Variants in INCENP observed in about 807,000 individuals in gnomAD.
The protein encoded by INCENP is inner centromere protein, also known as binds and activates aurora-B and -C in vivo and in vitro.
In INCENP, 43 loss-of-function variants were observed where a neutral mutation model predicts 107.3. That is an observed-to-expected ratio of 0.40 (90% CI 0.31 to 0.52). INCENP has a LOEUF of 0.52. Ranked by LOEUF, INCENP falls within the 20% of genes least tolerant of loss-of-function variation. INCENP has a pLI of 0.53. For missense variants in INCENP, 1,089 were observed against 1,250.9 expected, an observed-to-expected ratio of 0.87 and a Z score of 1.95; for synonymous variants, 488 against 494.4, an observed-to-expected ratio of 0.99 and a Z score of 0.17.
chr11:62,150,984 A>T (rs1944360738), intron 18 of INCENP, among the ~76,000 whole-genome samples: 1 of 152,184 alleles, frequency 6.6e-6, no homozygotes. Flanking sequence ...CCCTACAGTA[A>T]CTGGCATGTG....
intron 7 of INCENP, 145 bp from the exon 8 acceptor site, chr11:62,140,089 G>A: frequency 1.5e-6 from 1 of 682,162 alleles, no homozygotes; most frequent in South Asian, 1.6e-5. Context: ...TGATATGTCT[G>A]CGTTTGGCCA....
chr11:62,133,814 C>T (rs1017294050), intron 4 of INCENP, among the ~76,000 whole-genome samples: 6 of 152,134 alleles, frequency 3.9e-5, no homozygotes, highest in Non-Finnish European at 8.8e-5. Flanking sequence ...CAGCTGCTCC[C>T]ACCACCTCCC....
At chr11:62,129,725 C>A in intron 3 of INCENP, 57 bp from the exon 4 acceptor site, 1 of 1,417,758 alleles carries the variant, frequency 7.1e-7, no homozygotes, top group Non-Finnish European at 9.6e-7. Flanking sequence ...CTTGGAGAGA[C>A]TGGGTGCCAC....
chr11:62,141,712 C>T, intron 11 of INCENP: 2 of 697,584 alleles, frequency 2.9e-6, no homozygotes, highest in South Asian at 1.7e-5. Context: ...CTTCTCTGCC[C>T]TCCCTGCCCT....
At position 62,148,311 on chromosome 11, in the gene INCENP, C is replaced by T. The variant is rs146422010; in HGVS notation, c.2205-165C>T. ...CCTCAGGTGTGCACACTTCTAGCCCCGGGGCAAAAGCGCAGCTCTTGGCTC... is the reference window on the plus strand; with the variant it reads ...CCTCAGGTGTGCACACTTCTAGCCCTGGGGCAAAAGCGCAGCTCTTGGCTC... On this transcript the variant is annotated intron_variant, in intron 15 of 18. Transcript: ENST00000394818. Among the ~76,000 whole-genome samples, 13 of 152,310 alleles carry T rather than the reference C, an allele frequency of 8.5e-5. No homozygotes were observed. In the East Asian group the frequency reaches 1.9e-3, roughly 23 times the overall value.
rs537118084 is a variant in INCENP at position 62,148,668 on chromosome 11, C to T, written c.2284-71C>T. ...GGGAGGGAAAGGGAGGAGAATGGAG[C>T]GGAGGGAAGGGGAGGGGAGGGAAGG... On this transcript the variant is annotated intron_variant, in intron 16 of 18. Transcript: ENST00000394818. The T allele has an allele frequency of 2.3e-5, 30 of 1,322,686 alleles. 1 individual carries two copies. In the East Asian group the frequency reaches 5.1e-4, roughly 23 times the overall value. The allele number at this position is 1,322,686 out of a possible 1,614,324, so 81.9% of individuals were successfully genotyped here. A position where few individuals can be genotyped will look rare whatever the true frequency, so the allele number is the denominator to read the frequency against.
At position 62,145,227 on chromosome 11, in the gene INCENP, A is replaced by G; in HGVS notation, c.1774A>G (p.Lys592Glu). ...GGCCCGCGAGCGGGTGGAGCAGATG[A>G]AGGAGGAGAAGAAGAAGCAGATTGA... The part of the protein sequence containing the change: ...LQARERVEQM[K>E]EEKKKQIEQK... Residue 592 changes from lysine to glutamate, a missense_variant, in exon 13 of 19, where the codon AAG becomes GAG. Transcript: ENST00000394818. 6.2e-7 allele frequency: 1 copy of G among 1,614,024 alleles called. No individual in the cohort carries two copies.
intron 4 of INCENP, among the ~76,000 whole-genome samples, chr11:62,131,066 A>G (rs528855896): frequency 2.0e-5 from 3 of 152,130 alleles, no homozygotes; most frequent in African/African-American, 4.8e-5. Flanking sequence ...CGCGCCGCCT[A>G]TTGGCGACAC....
chr11:62,131,886 A>G (rs953495130), intron 4 of INCENP, among the ~76,000 whole-genome samples: 3 of 152,158 alleles, frequency 2.0e-5, no homozygotes, highest in African/African-American at 7.2e-5. Flanking sequence ...GGTTCAAGCA[A>G]TTCTCCTGCC....
chr11:62,151,127 G>C (rs913979011), intron 18 of INCENP, among the ~76,000 whole-genome samples: 2 of 152,258 alleles, frequency 1.3e-5, no homozygotes, highest in Admixed American at 1.3e-4. Flanking sequence ...ATCCGTGAAA[G>C]GGGGGTGAAG....
rs1713639706 is a variant in INCENP at position 62,128,254 on chromosome 11, G to A, written c.93G>A (p.Leu31=). Residue 31 remains leucine (L), a synonymous_variant, in exon 2 of 19, where the codon TTG becomes TTA. Coordinates refer to ENST00000394818, the MANE Select transcript of INCENP (RefSeq NM_001040694.2). ...TCTGCAACATGGATAATAAGGACTT[G>A]GTGTGGCTTGAGGAAATCCAAGAGG... ...EFLCNMDNKD[L]VWLEEIQEEA... is the part of the protein sequence containing the mutation. The A allele has an allele frequency of 1.2e-6, 2 of 1,614,168 alleles. No individual in the cohort carries two copies. The highest frequency in any genetic ancestry group is 1.7e-6 in the Non-Finnish European group (2 of 1,180,008).
intron 15 of INCENP, among the ~76,000 whole-genome samples, chr11:62,147,326 C>A (rs1460610771): frequency 6.6e-6 from 1 of 152,134 alleles, no homozygotes; most frequent in African/African-American, 2.4e-5. Context: ...CAGATTACCC[C>A]CTACCGATAT....
In INCENP at chr11:62,137,032, C is replaced by T. The variant is rs540617916; in HGVS notation, c.1064-800C>T. ...CTTTGTAAACTCCTCCAGGCCAGCT[C>T]AGGTCCCCCCATCATAGGCTTTTAA... On this transcript the variant is annotated intron_variant, in intron 4 of 18. Transcript: ENST00000394818. Among the ~76,000 whole-genome samples, 13 of 151,804 alleles carry T rather than the reference C, an allele frequency of 8.6e-5. No individual in the cohort carries two copies. In the East Asian group the frequency reaches 2.3e-3, roughly 27 times the overall value.
Position 62,141,491 on chromosome 11 carries a change from C to A in INCENP, c.1594-9C>A. 1.2e-6 allele frequency: 2 copies of A among 1,614,006 alleles called. No homozygotes were observed. Among genetic ancestry groups the A allele is most frequent in the Non-Finnish European group, 8.5e-7 (1 of 1,179,874 alleles). ...TTAACTCTTGCCTTTTCCCTTGTCT[C>A]CTCCACAGTGCAGCTTCGTCGTAAG... On this transcript the variant is annotated splice_polypyrimidine_tract_variant and intron_variant, in intron 10 of 18. Transcript: ENST00000394818.
intron 4 of INCENP, 46 bp from the exon 5 acceptor site, chr11:62,137,786 G>C: frequency 1.3e-6 from 2 of 1,587,050 alleles, no homozygotes; most frequent in Non-Finnish European, 1.7e-6. Flanking sequence ...AGTGGGACCT[G>C]TGTGGTCTCT....
chr11:62,138,936 A>G lies in INCENP; in HGVS notation c.1222A>G (p.Ile408Val). ...NNSWPHNDTE[I>V]ANSTPNPKPA... ...CTCGTGGCCCCACAATGACACGGAG[A>G]TTGCCAACAGCACACCCAACCCGAA... Residue 408 changes from isoleucine to valine, a missense_variant, in exon 7 of 19, where the codon ATT becomes GTT. Coordinates refer to ENST00000394818, the MANE Select transcript of INCENP (RefSeq NM_001040694.2). The G allele has an allele frequency of 1.2e-6, 2 of 1,614,140 alleles. No individual in the cohort carries two copies.
Position 62,140,898 on chromosome 11 carries a change from G to A in INCENP, c.1462-15G>A, listed in dbSNP as rs377109076. The A allele has an allele frequency of 6.2e-7, 1 of 1,613,944 alleles. No individual in the cohort carries two copies. Among genetic ancestry groups the A allele is most frequent in the African/African-American group, 1.3e-5 (1 of 74,942 alleles). On this transcript the variant is annotated splice_polypyrimidine_tract_variant and intron_variant, in intron 9 of 18. Coordinates refer to ENST00000394818, the MANE Select transcript of INCENP (RefSeq NM_001040694.2). ...GCCCCGCCTGCCCACTTCTGACCCT[G>A]GTCCTCGTCTGCAGGTGGTACGGCC...
chr11:62,131,296 C>T (rs532135339), intron 4 of INCENP, among the ~76,000 whole-genome samples: 4 of 152,292 alleles, frequency 2.6e-5, no homozygotes, highest in Non-Finnish European at 5.9e-5. Context: ...GGGCTAATCG[C>T]GTCACTTCAA....
At chr11:62,149,891 C>T (rs1358527617) in intron 17 of INCENP, among the ~76,000 whole-genome samples, 166 bp from the exon 18 acceptor site, 1 of 152,062 alleles carries the variant, frequency 6.6e-6, no homozygotes. Flanking sequence ...CACTGCACTC[C>T]AGCCTGGGCG....
Sources: allele counts gnomAD v4.1 joint callset (sites outside exome capture counted in the v4.1 genomes callset), GRCh38; gene constraint gnomAD v4.1.1; transcripts MANE v1.5; gene names NCBI Gene and HGNC (gene_info 2026-07-23, HGNC 2026-07-21).